The following TBCK variants were observed in gnomAD, a reference collection of about 807,000 sequenced individuals.
TBCK encodes TBC1 domain containing kinase, also known as TBC domain-containing protein kinase-like protein.
Under a neutral mutation model 113.4 loss-of-function variants are expected in TBCK, and 99 were observed. That is an observed-to-expected ratio of 0.87 (90% CI 0.74 to 1.03). The LOEUF (loss-of-function observed/expected upper bound fraction) is 1.03. Among genes scored for constraint, TBCK ranks in the 50% least tolerant of loss-of-function variants. The pLI is 0.00. For synonymous variants in TBCK, 369 were observed against 370.8 expected, an observed-to-expected ratio of 1.00 and a Z score of 0.05; for missense variants, 1,045 against 1,061.3, an observed-to-expected ratio of 0.98 and a Z score of 0.21.
intron 2 of TBCK, among the ~76,000 whole-genome samples, chr4:106,303,250 A>G (rs939400251): frequency 4.6e-5 from 7 of 152,192 alleles, no homozygotes; most frequent in East Asian, 1.9e-4. Flanking sequence ...AGTACCTGAC[A>G]TTAGAACTTC....
intron 23 of TBCK, among the ~76,000 whole-genome samples, chr4:106,167,118 G>GTATA (rs375846957): frequency 3.6e-5 from 5 of 140,518 alleles, no homozygotes; most frequent in South Asian, 2.3e-4. Flanking sequence ...TATACACACT[G>GTATA]TATATATATA....
rs139184364 is a variant in TBCK, at chr4:106,300,231, C to T, written c.194-5065G>A. 8.3e-4 allele frequency among the ~76,000 whole-genome samples: 126 copies of T among 152,296 alleles called. 1 individual carries two copies. In the East Asian group the frequency reaches 0.019, roughly 24 times the overall value. On this transcript the variant is annotated intron_variant, in intron 2 of 25. Coordinates refer to ENST00000394708, the MANE Select transcript of TBCK (RefSeq NM_001163435.3). ...CACGTGGAACTGTAAGTCCATTAAA[C>T]GTTTTTCCTGTACAAATTACCTAGT...
At chr4:106,079,867 C>T (rs952107991) in intron 25 of TBCK, among the ~76,000 whole-genome samples, 6 of 152,086 alleles carry the variant, frequency 3.9e-5, no homozygotes, top group Non-Finnish European at 8.8e-5. Context: ...AGGAAGCAGG[C>T]GCATCGTACA....
chr4:106,144,318 CT>C (rs890652193), intron 23 of TBCK, among the ~76,000 whole-genome samples: 40 of 152,138 alleles, frequency 2.6e-4, no homozygotes, highest in African/African-American at 9.7e-4. Flanking sequence ...TAAGTTGAGT[CT>C]GGAAAATAAA....
intron 20 of TBCK, among the ~76,000 whole-genome samples, chr4:106,196,371 TTA>T (rs529171692): frequency 5.3e-5 from 8 of 151,926 alleles, no homozygotes; most frequent in Non-Finnish European, 7.4e-5. Flanking sequence ...TTATTTCACT[TTA>T]TGAGTTAATA....
At chr4:106,291,783 T>C (rs1765739284) in intron 3 of TBCK, among the ~76,000 whole-genome samples, 1 of 152,144 alleles carries the variant, frequency 6.6e-6, no homozygotes, top group Admixed American at 6.5e-5. Context: ...AGGATGCCGA[T>C]CAAAAGGTAG....
intron 3 of TBCK, among the ~76,000 whole-genome samples, chr4:106,270,174 T>C (rs752701529): frequency 7.9e-5 from 12 of 152,178 alleles, no homozygotes; most frequent in Admixed American, 2.0e-4. Context: ...TATGTATATA[T>C]CCTATAAATT....
intron 25 of TBCK, among the ~76,000 whole-genome samples, chr4:106,085,786 G>T (rs1739424204): frequency 6.6e-6 from 1 of 152,144 alleles, no homozygotes; most frequent in Non-Finnish European, 1.5e-5. Context: ...TAGAACTCAG[G>T]ATTAAGAAAC....
At chr4:106,218,276 AC>A (rs1272695719) in intron 19 of TBCK, among the ~76,000 whole-genome samples, 2 of 150,378 alleles carry the variant, frequency 1.3e-5, no homozygotes, top group African/African-American at 4.9e-5. Context: ...CTAGAAGAAA[AC>A]CTAGGCAATA....
intron 16 of TBCK, among the ~76,000 whole-genome samples, 169 bp downstream of exon 16, chr4:106,233,419 T>A (rs1259845870): frequency 6.6e-6 from 1 of 152,042 alleles, no homozygotes; most frequent in African/African-American, 2.4e-5. Context: ...TCCTTTAAGG[T>A]ATTGTTCTTA....
rs543053997 is a variant in TBCK at position 106,270,449 on chromosome 4, T to G, written c.267-8237A>C. Among the ~76,000 whole-genome samples, 130 of 152,260 alleles carry G rather than the reference T, an allele frequency of 8.5e-4. 1 individual carries two copies. Among genetic ancestry groups the G allele is most frequent in the African/African-American group, 1.4e-3 (58 of 41,556 alleles). ...AAACACACTAGGTAATAAGTCCAAC[T>G]CCCCATACCCTGGCAGCATTTGGGA... On this transcript the variant is annotated intron_variant, in intron 3 of 25. Coordinates refer to ENST00000394708, the MANE Select transcript of TBCK (RefSeq NM_001163435.3).
At chr4:106,058,701 G>A (rs902147623) in intron 25 of TBCK, among the ~76,000 whole-genome samples, 15 of 151,812 alleles carry the variant, frequency 9.9e-5, no homozygotes, top group Non-Finnish European at 2.1e-4. Flanking sequence ...AGATCATGGA[G>A]AGCCTTATAA....
At chr4:106,265,331 C>T (rs1762894525) in intron 3 of TBCK, among the ~76,000 whole-genome samples, 1 of 151,988 alleles carries the variant, frequency 6.6e-6, no homozygotes, top group East Asian at 1.9e-4. Flanking sequence ...AATAATCACA[C>T]CATGTAAAAT....
At chr4:106,056,268 A>ATT (rs371739787) in intron 25 of TBCK, among the ~76,000 whole-genome samples, 7 of 136,678 alleles carry the variant, frequency 5.1e-5, no homozygotes, top group Non-Finnish European at 9.5e-5. Flanking sequence ...TTTTTAATTA[A>ATT]TTTTTTTTTT....
At chr4:106,163,509 G>C (rs1325196603) in intron 23 of TBCK, 1 of 152,096 alleles carries the variant, frequency 6.6e-6, no homozygotes, top group Non-Finnish European at 1.5e-5. Flanking sequence ...TGCTCATAAA[G>C]ACATACCCCA....
At chr4:106,158,057 T>C (rs962970607) in intron 23 of TBCK, among the ~76,000 whole-genome samples, 2 of 152,172 alleles carry the variant, frequency 1.3e-5, no homozygotes, top group African/African-American at 4.8e-5. Flanking sequence ...GAGGGAACAA[T>C]ACTGACAGAA....
chr4:106,236,391 T>A lies in TBCK; in HGVS notation c.1349A>T (p.Lys450Met). ...NRIILFDRLL[K>M]AYPYKKNQIW... ...CACTTTATACTTTAGAATCCATACC[T>A]TTAGCAGCCTGTCGAAGAGAATAAT... Residue 450 changes from lysine to methionine, a missense_variant and splice_region_variant, in exon 14 of 26, where the codon AAG becomes ATG. Coordinates refer to ENST00000394708, the MANE Select transcript of TBCK (RefSeq NM_001163435.3). 1.3e-6 allele frequency: 2 copies of A among 1,501,860 alleles called. No individual in the cohort carries two copies. Among genetic ancestry groups the A allele is most frequent in the Non-Finnish European group, 1.8e-6 (2 of 1,125,368 alleles). The allele number at this position is 1,501,860 out of a possible 1,614,324, so 93.0% of individuals were successfully genotyped here. A position where few individuals can be genotyped will look rare whatever the true frequency, so the allele number is the denominator to read the frequency against.
chr4:106,210,689 T>A (rs1579250264), intron 20 of TBCK, among the ~76,000 whole-genome samples: 1 of 152,264 alleles, frequency 6.6e-6, no homozygotes, highest in Non-Finnish European at 1.5e-5. Context: ...TTTAAGTAAC[T>A]TTTTACACAG....
At chr4:106,171,369 G>A (rs1000491249) in intron 22 of TBCK, 99 bp from the exon 23 acceptor site, 3 of 842,006 alleles carry the variant, frequency 3.6e-6, no homozygotes, top group South Asian at 3.8e-5. Context: ...TCTAAATATG[G>A]CTAAGATGAT....
Sources: allele counts gnomAD v4.1 joint callset (sites outside exome capture counted in the v4.1 genomes callset), GRCh38; gene constraint gnomAD v4.1.1; transcripts MANE v1.5; gene names NCBI Gene and HGNC (gene_info 2026-07-23, HGNC 2026-07-21).